The following COL6A5 variants were observed in gnomAD, a reference collection of about 807,000 sequenced individuals.
COL6A5 encodes the protein collagen type VI alpha 5 chain, also known as collagen alpha-5(VI) chain.
In COL6A5, 48 loss-of-function variants were observed where a neutral mutation model predicts 65.6. The observed-to-expected ratio is 0.73, with a 90% CI of 0.58 to 0.93. The LOEUF (loss-of-function observed/expected upper bound fraction) is 0.93. Ranked by LOEUF, COL6A5 falls within the 40% of genes least tolerant of loss-of-function variation. The pLI is 0.00. For synonymous variants in COL6A5, 291 were observed against 322.8 expected, an observed-to-expected ratio of 0.90 and a Z score of 1.05; for missense variants, 914 against 928.3, an observed-to-expected ratio of 0.98 and a Z score of 0.20.
chr3:130,362,289 C>CATATATACATATATAT (rs1935143250), intron 1 of COL6A5, among the ~76,000 whole-genome samples: 1 of 12,540 alleles, frequency 8.0e-5, no homozygotes, highest in Non-Finnish European at 1.7e-4. Flanking sequence ...TGTCTTTCTC[C>CATATATACATATATAT]ATATATATAT....
chr3:130,477,057 G>T, intron 7 of COL6A5: 1 of 1,506,610 alleles, frequency 6.6e-7, no homozygotes, highest in Non-Finnish European at 8.9e-7. Flanking sequence ...GGAAGCTACA[G>T]ACATCTGAAG....
intron 4 of COL6A5, among the ~76,000 whole-genome samples, chr3:130,447,835 C>T (rs949991679): frequency 7.3e-5 from 11 of 151,214 alleles, no homozygotes; most frequent in African/African-American, 2.4e-4. Flanking sequence ...CATATAACGG[C>T]ATTGCCATTA....
At chr3:130,388,953 A>G in exon 6 of COL6A5, 1 of 1,547,026 alleles carries the variant, frequency 6.5e-7, no homozygotes, top group South Asian at 1.2e-5. Context: ...ATGATGTGAG[A>G]GATCCTGCTA....
intron 24 of COL6A5, among the ~76,000 whole-genome samples, chr3:130,417,626 C>T (rs1237185571): frequency 1.3e-5 from 2 of 151,904 alleles, no homozygotes; most frequent in East Asian, 1.9e-4. Context: ...TCTCGAACCA[C>T]GACTATCTCT....
intron 7 of COL6A5, among the ~76,000 whole-genome samples, chr3:130,483,718 A>T (rs1246109522): frequency 1.3e-5 from 2 of 152,130 alleles, no homozygotes; most frequent in African/African-American, 2.4e-5. Flanking sequence ...TCTGGGCAAA[A>T]CCTTGATATT....
At chr3:130,442,219 G>A (rs1709199766) in intron 3 of COL6A5, among the ~76,000 whole-genome samples, 1 of 152,222 alleles carries the variant, frequency 6.6e-6, no homozygotes, top group Admixed American at 6.5e-5. Flanking sequence ...AATTGAAAGA[G>A]TTCTTTTGGA....
chr3:130,442,701 C>T (rs1709213890), intron 3 of COL6A5, among the ~76,000 whole-genome samples: 6 of 152,176 alleles, frequency 3.9e-5, no homozygotes, highest in Admixed American at 3.9e-4. Flanking sequence ...CACTGCATCA[C>T]AATTCTTGCC....
At chr3:130,468,994 C>T in exon 6 of COL6A5, 4 of 1,612,866 alleles carry the variant, frequency 2.5e-6, no homozygotes, top group Non-Finnish European at 3.4e-6. Flanking sequence ...CACTGACCTC[C>T]ACCTTAGGAG....
At chr3:130,357,330 C>G (rs1405783849) in intron 1 of COL6A5, among the ~76,000 whole-genome samples, 1 of 152,202 alleles carries the variant, frequency 6.6e-6, no homozygotes, top group Non-Finnish European at 1.5e-5. Flanking sequence ...CTGAGAATTG[C>G]TGAAAGCTGA....
chr3:130,441,667 G>C (rs747860668), intron 3 of COL6A5, among the ~76,000 whole-genome samples: 68 of 152,086 alleles, frequency 4.5e-4, no homozygotes, highest in South Asian at 8.3e-4. Context: ...ATTTGCCCCA[G>C]GGGACATTTG....
chr3:130,360,845 T>C (rs1935080781), intron 1 of COL6A5, among the ~76,000 whole-genome samples: 1 of 152,148 alleles, frequency 6.6e-6, no homozygotes, highest in Admixed American at 6.5e-5. Flanking sequence ...ATTTTAAGTG[T>C]ACTATTGGAA....
intron 10 of COL6A5, among the ~76,000 whole-genome samples, chr3:130,398,953 G>A (rs2107661847): frequency 6.6e-6 from 1 of 152,248 alleles, no homozygotes; most frequent in African/African-American, 2.4e-5. Flanking sequence ...CCTGACCGAA[G>A]ACAGCTCCTA....
exon 10 of COL6A5, chr3:130,398,051 G>A (rs1320871381): frequency 8.4e-6 from 13 of 1,550,452 alleles, no homozygotes; most frequent in Non-Finnish European, 1.0e-5. Context: ...TTTTTCAGAC[G>A]GTCTCCAGAG....
chr3:130,403,753 A>G, intron 13 of COL6A5, 91 bp downstream of exon 13: 1 of 1,005,916 alleles, frequency 9.9e-7, no homozygotes. Flanking sequence ...TTTCTTTTTC[A>G]TAAAAAAAGC....
intron 13 of COL6A5, among the ~76,000 whole-genome samples, chr3:130,404,136 C>T (rs748131292): frequency 3.9e-5 from 6 of 152,148 alleles, no homozygotes; most frequent in Admixed American, 2.0e-4. Flanking sequence ...AAAGGGAAGT[C>T]GGCAAAGCAT....
chr3:130,471,962 G>A, intron 7 of COL6A5, 36 bp downstream of exon 40: 2 of 1,517,252 alleles, frequency 1.3e-6, no homozygotes, highest in Non-Finnish European at 1.8e-6. Flanking sequence ...AGACCCTCAA[G>A]TACCTTTGTT....
chr3:130,374,812 G>A (rs1352882604), intron 2 of COL6A5, among the ~76,000 whole-genome samples: 1 of 152,100 alleles, frequency 6.6e-6, no homozygotes, highest in Non-Finnish European at 1.5e-5. Flanking sequence ...TGACTGAAAT[G>A]TCATTATGTC....
chr3:130,400,467 A>G (rs1350831658), intron 10 of COL6A5, among the ~76,000 whole-genome samples: 1 of 152,264 alleles, frequency 6.6e-6, no homozygotes, highest in Non-Finnish European at 1.5e-5. Context: ...AATAAAGTCA[A>G]TGAACTAGTA....
At chr3:130,423,987 T>C in intron 29 of COL6A5, 87 bp downstream of exon 29, 1 of 1,003,776 alleles carries the variant, frequency 1.0e-6, no homozygotes, top group Non-Finnish European at 1.5e-6. Context: ...TCAAATGCAC[T>C]GGATTTAAGT....
Sources: allele counts gnomAD v4.1 joint callset (sites outside exome capture counted in the v4.1 genomes callset), GRCh38; gene constraint gnomAD v4.1.1; transcripts MANE v1.5; gene names NCBI Gene and HGNC (gene_info 2026-07-23, HGNC 2026-07-21).